Variants in UCHL5 observed in about 807,000 individuals in gnomAD.
UCHL5 encodes ubiquitin carboxyl-terminal hydrolase isozyme L5.
In UCHL5, 34 loss-of-function variants were observed where a neutral mutation model predicts 53.8. That is an observed-to-expected ratio of 0.63 (90% CI 0.48 to 0.84). UCHL5 has a LOEUF of 0.84. UCHL5 is among the 40% of genes least tolerant of loss of function. The pLI is 0.00. For synonymous variants in UCHL5, 111 were observed against 126.3 expected, an observed-to-expected ratio of 0.88 and a Z score of 0.81; for missense variants, 290 against 385.6, an observed-to-expected ratio of 0.75 and a Z score of 2.08.
In UCHL5 at chr1:193,015,409, G is replaced by T. The variant is rs1264520498; in HGVS notation, c.*942C>A. On this transcript the variant is annotated 3_prime_UTR_variant, in exon 11 of 11. Transcript: ENST00000367454. ...TTGCAAAGGAAGATTAGAAGCAGAA[G>T]ATTATTACAAAGCAACTCCCAAATC... The T allele has an allele frequency of 1.3e-5, 2 of 152,000 alleles. No homozygotes were observed. Among genetic ancestry groups the T allele is most frequent in the Non-Finnish European group, 2.9e-5 (2 of 67,928 alleles). The allele number at this position is 152,000 out of a possible 1,614,324, so 9.4% of individuals were successfully genotyped here. A position where few individuals can be genotyped will look rare whatever the true frequency, so the allele number is the denominator to read the frequency against.
At position 193,015,820 on chromosome 1, in the gene UCHL5, A is replaced by C. The variant is rs989035637; in HGVS notation, c.*531T>G. The C allele has an allele frequency of 3.3e-5, 5 of 152,174 alleles. No individual in the cohort carries two copies. The highest frequency in any genetic ancestry group is 1.2e-4 in the African/African-American group (5 of 41,466). The allele number at this position is 152,174 out of a possible 1,614,324, so 9.4% of individuals were successfully genotyped here. On this transcript the variant is annotated 3_prime_UTR_variant, in exon 11 of 11. Coordinates refer to ENST00000367454, the MANE Select transcript of UCHL5 (RefSeq NM_001199261.3). The stretch of plus-strand genomic sequence containing the variant: ...TACTGACAGCAGTGAAAATCACTGG[A>C]AATTATACTTTTGTCCTTTTTAAAT...
At chr1:193,048,706 T>A (rs765648167) in intron 3 of UCHL5, among the ~76,000 whole-genome samples, 1 of 152,162 alleles carries the variant, frequency 6.6e-6, no homozygotes, top group Non-Finnish European at 1.5e-5. Context: ...ACAGACTGAA[T>A]GAAGAAGCAG....
intron 3 of UCHL5, among the ~76,000 whole-genome samples, chr1:193,031,052 G>A (rs934091457): frequency 6.6e-6 from 1 of 152,272 alleles, no homozygotes; most frequent in East Asian, 1.9e-4. Context: ...AATCCAATTA[G>A]CATTGCTGCT....
chr1:193,031,466 G>T (rs1661368916), intron 3 of UCHL5, among the ~76,000 whole-genome samples: 3 of 151,970 alleles, frequency 2.0e-5, no homozygotes, highest in Admixed American at 6.6e-5. Context: ...CTTTTTTGAT[G>T]TCAATAATAA....
At chr1:193,034,055 T>A (rs1425011966) in intron 3 of UCHL5, among the ~76,000 whole-genome samples, 1 of 152,148 alleles carries the variant, frequency 6.6e-6, no homozygotes, top group Non-Finnish European at 1.5e-5. Flanking sequence ...GAGTAAGACA[T>A]TTTGAATATA....
intron 3 of UCHL5, among the ~76,000 whole-genome samples, chr1:193,043,151 TAAAAAAAA>T (rs200951342): frequency 4.4e-4 from 16 of 36,374 alleles, no homozygotes; most frequent in African/African-American, 8.3e-4. Context: ...TCTTGAATAT[TAAAAAAAA>T]AAAAAAAAAA....
chr1:193,059,882 G>A, upstream of UCHL5: 1 of 1,365,178 alleles, frequency 7.3e-7, no homozygotes, highest in Non-Finnish European at 9.8e-7. The surrounding 1 kb of genome is among the most constrained non-coding windows in gnomAD (Gnocchi z 4.9). Flanking sequence ...AGGGGTTGAG[G>A]CTGGGCAAAC....
intron 3 of UCHL5, among the ~76,000 whole-genome samples, chr1:193,042,435 G>C (rs1048138880): frequency 6.6e-6 from 1 of 152,092 alleles, no homozygotes; most frequent in African/African-American, 2.4e-5. Flanking sequence ...ATTAACCAAG[G>C]ATTCTTATAA....
At position 193,023,957 on chromosome 1, in the gene UCHL5, ATTAT is replaced by A. The variant is rs752172700; in HGVS notation, c.630-15_630-12del. Reference sequence around the variant, plus strand: ...TCACCTTCACTGTACCTAGAAGAAAATTATTTAAGTTTATAATGTAATAAAGAAT... The same window carrying A: ...TCACCTTCACTGTACCTAGAAGAAAATTAAGTTTATAATGTAATAAAGAAT... On this transcript the variant is annotated splice_polypyrimidine_tract_variant and intron_variant, in intron 7 of 10. Coordinates refer to ENST00000367454, the MANE Select transcript of UCHL5 (RefSeq NM_001199261.3). The A allele has an allele frequency of 1.9e-6, 3 of 1,543,944 alleles. No homozygotes were observed. The highest frequency in any genetic ancestry group is 2.3e-5 in the South Asian group (2 of 87,288).
intron 3 of UCHL5, among the ~76,000 whole-genome samples, chr1:193,043,302 A>G (rs927088264): frequency 3.9e-5 from 6 of 152,000 alleles, no homozygotes; most frequent in African/African-American, 1.4e-4. Flanking sequence ...TGCACAGTTC[A>G]GCTACATTGG....
intron 3 of UCHL5, among the ~76,000 whole-genome samples, chr1:193,033,628 G>A (rs989710876): frequency 2.6e-5 from 4 of 151,884 alleles, no homozygotes; most frequent in African/African-American, 9.7e-5. Context: ...AAGGAAAAAG[G>A]TTGAGAATGT....
At chr1:193,044,237 A>G (rs1666654734) in intron 3 of UCHL5, among the ~76,000 whole-genome samples, 1 of 152,186 alleles carries the variant, frequency 6.6e-6, no homozygotes, top group Admixed American at 6.5e-5. Context: ...AACTCTAAGC[A>G]TATTTGAGGG....
intron 3 of UCHL5, among the ~76,000 whole-genome samples, chr1:193,031,959 T>C (rs982060749): frequency 4.6e-5 from 7 of 152,192 alleles, no homozygotes; most frequent in African/African-American, 9.6e-5. Flanking sequence ...AGTTCAATAA[T>C]AGAAATGAGG....
chr1:193,024,118 G>C (rs1658207376), intron 7 of UCHL5, among the ~76,000 whole-genome samples, 172 bp from the exon 8 acceptor site: 1 of 152,000 alleles, frequency 6.6e-6, no homozygotes, highest in Admixed American at 6.6e-5. Context: ...GCACATAGGT[G>C]CCTCCCAGCT....
chr1:193,059,978 C>T, upstream of UCHL5: 3 of 1,366,338 alleles, frequency 2.2e-6, no homozygotes, highest in South Asian at 1.1e-5. This position sits in a 1 kb window ranked among gnomAD's most constrained non-coding sequence, Gnocchi z 4.9. Context: ...GGGACATCCT[C>T]GCTAGGCCCG....
In UCHL5 at chr1:193,015,358, T is replaced by G. The variant is rs1054579872; in HGVS notation, c.*993A>C. On this transcript the variant is annotated 3_prime_UTR_variant, in exon 11 of 11. Transcript: ENST00000367454. ...GTTACTTCCTTTAAAAAAGAAAGCT[T>G]TATAAAGTCTTCTTTAAAGTCTGAC... 3.9e-5 allele frequency: 6 copies of G among 152,046 alleles called. No individual in the cohort carries two copies. Among genetic ancestry groups the G allele is most frequent in the Admixed American group, 3.3e-4 (5 of 15,252 alleles). The allele number at this position is 152,046 out of a possible 1,614,324, so 9.4% of individuals were successfully genotyped here.
Position 193,015,852 on chromosome 1 carries a change from C to T in UCHL5, c.*499G>A, listed in dbSNP as rs1654816935. The T allele has an allele frequency of 6.6e-6, 1 of 152,216 alleles. No individual in the cohort carries two copies. Among genetic ancestry groups the T allele is most frequent in the African/African-American group, 2.4e-5 (1 of 41,440 alleles). 9.4% of individuals were successfully genotyped at this position (152,216 alleles called of 1,614,324 possible). The stretch of plus-strand genomic sequence containing the variant: ...ACTTTTGTCCTTTTTAAATGATTTA[C>T]ATTAAAATCATACTTTCTCAAATAA... On this transcript the variant is annotated 3_prime_UTR_variant, in exon 11 of 11. Transcript: ENST00000367454.
At position 193,023,056 on chromosome 1, in the gene UCHL5, G is replaced by A; in HGVS notation, c.733-20C>T. 1 of 1,476,718 alleles carries A rather than the reference G, an allele frequency of 6.8e-7. No individual in the cohort carries two copies. Among genetic ancestry groups the A allele is most frequent in the Non-Finnish European group, 9.4e-7 (1 of 1,059,084 alleles). 91.5% of individuals were successfully genotyped at this position (1,476,718 alleles called of 1,614,324 possible). On this transcript the variant is annotated intron_variant, in intron 8 of 10. Coordinates refer to ENST00000367454, the MANE Select transcript of UCHL5 (RefSeq NM_001199261.3). The stretch of plus-strand genomic sequence containing the variant: ...GGGTTCCTCCTTGGGGGAAGGAAAA[G>A]AAATAGCACACCCTAATAATTGAGG...
intron 2 of UCHL5, among the ~76,000 whole-genome samples, chr1:193,050,292 A>C (rs779426870): frequency 6.6e-6 from 1 of 152,258 alleles, no homozygotes; most frequent in East Asian, 1.9e-4. Context: ...CTCATATTGC[A>C]GTATGAATTG....
Sources: allele counts gnomAD v4.1 joint callset (sites outside exome capture counted in the v4.1 genomes callset), GRCh38; gene constraint gnomAD v4.1.1; non-coding constraint Gnocchi (gnomAD v3.1); transcripts MANE v1.5; gene names NCBI Gene and HGNC (gene_info 2026-07-23, HGNC 2026-07-21).